GBX2: variants seen among roughly 807,000 people sequenced by gnomAD.
GBX2 encodes homeobox protein GBX-2.
Under a neutral mutation model 22.4 loss-of-function variants are expected in GBX2, and 5 were observed. The observed-to-expected ratio is 0.22, with a 90% CI of 0.12 to 0.47. The LOEUF is 0.47. Ranked by LOEUF, GBX2 falls within the 20% of genes least tolerant of loss-of-function variation. The pLI, the probability that GBX2 is intolerant of heterozygous loss-of-function variation, is 0.99. For synonymous variants in GBX2, 220 were observed against 230.5 expected, an observed-to-expected ratio of 0.95 and a Z score of 0.41; for missense variants, 470 against 495.4, an observed-to-expected ratio of 0.95 and a Z score of 0.49.
rs572255726 is a variant in GBX2, at chr2:236,165,717, C to T, written c.*197G>A. 373 of 581,890 alleles carry T rather than the reference C, an allele frequency of 6.4e-4. 10 individuals are homozygous for T. In the South Asian group the frequency reaches 8.3e-3, roughly 13 times the overall value. 36.0% of individuals were successfully genotyped at this position (581,890 alleles called of 1,614,324 possible). A position where few individuals can be genotyped will look rare whatever the true frequency, so the allele number is the denominator to read the frequency against. On this transcript the variant is annotated 3_prime_UTR_variant, in exon 2 of 2. Coordinates refer to ENST00000306318, the MANE Select transcript of GBX2 (RefSeq NM_001485.4). Reference sequence around the variant, plus strand: ...GTAGGATAGTATAATAAATATTTAGCGTGTCTTCTGGTGTGGCTGTAAGCC... The same window carrying T: ...GTAGGATAGTATAATAAATATTTAGTGTGTCTTCTGGTGTGGCTGTAAGCC...
downstream of GBX2, among the ~76,000 whole-genome samples, chr2:236,164,065 G>C (rs890064355): frequency 1.3e-4 from 20 of 152,200 alleles, no homozygotes; most frequent in Non-Finnish European, 2.5e-4. Flanking sequence ...AGGGTGACTC[G>C]GTCGCTCCCA....
At position 236,167,919 on chromosome 2, in the gene GBX2, C is replaced by T; in HGVS notation, c.53G>A (p.Ser18Asn). Residue 18 changes from serine (S) to asparagine (N), a missense_variant, in exon 1 of 2, where the codon AGT (serine) becomes AAT (asparagine). Around this residue, in one of 4 missense-constraint regions of GBX2, gnomAD observed 377 missense variants for 358.6 expected, o/e 1.05. Coordinates refer to ENST00000306318, the MANE Select transcript of GBX2 (RefSeq NM_001485.4). ...CGAGTCTATGCTGAAGGCGGTGCTACTCCCCAGCGGGCGCTGCATCATCAT... is the reference window on the plus strand; with the variant it reads ...CGAGTCTATGCTGAAGGCGGTGCTATTCCCCAGCGGGCGCTGCATCATCAT... ...SLMMMQRPLG[S>N]STAFSIDSLI... 1 of 1,562,458 alleles carries T rather than the reference C, an allele frequency of 6.4e-7. No individual in the cohort carries two copies. Among genetic ancestry groups the T allele is most frequent in the Non-Finnish European group, 8.6e-7 (1 of 1,156,904 alleles).
chr2:236,167,534 A>C lies in GBX2; in HGVS notation c.438T>G (p.Ala146=). 6.3e-7 allele frequency: 1 copy of C among 1,599,326 alleles called. No homozygotes were observed. Among genetic ancestry groups the C allele is most frequent in the East Asian group, 2.3e-5 (1 of 44,014 alleles). The part of the protein sequence containing the change: ...GNFDKAEALQ[A]DAEDGKGFLA... ...GGAAGCCTTTGCCGTCCTCCGCGTC[A>C]GCCTGCAGCGCCTCCGCCTTGTCGA... The change falls in exon 1 of 2, where the codon GCT becomes GCG. Residue 146 remains alanine (A), a synonymous_variant. Transcript: ENST00000306318.
rs1455352279 is a variant in GBX2 at position 236,167,647 on chromosome 2, G to A, written c.325C>T (p.Pro109Ser). Residue 109 changes from proline (P) to serine (S), a missense_variant, in exon 1 of 2, where the codon CCC (proline) becomes TCC (serine). By Grantham distance (74) the Pro-to-Ser change is moderately conservative. Transcript: ENST00000306318. ...ALTSTLMATL[P>S]GGFSASPQHQ... ...TGGGGCGACGCGGAGAAGCCGCCGGGGAGCGTGGCCATGAGCGTAGAGGTG... is the reference window on the plus strand; with the variant it reads ...TGGGGCGACGCGGAGAAGCCGCCGGAGAGCGTGGCCATGAGCGTAGAGGTG... 6.3e-7 allele frequency: 1 copy of A among 1,593,392 alleles called. No individual in the cohort carries two copies. The highest frequency in any genetic ancestry group is 8.5e-7 in the Non-Finnish European group (1 of 1,174,762).
downstream of GBX2, among the ~76,000 whole-genome samples, chr2:236,162,567 A>G (rs1576380167): frequency 6.6e-6 from 1 of 152,324 alleles, no homozygotes; most frequent in South Asian, 2.1e-4. Flanking sequence ...GGGTTCTCCA[A>G]TGGGGCAGGG....
At position 236,167,439 on chromosome 2, in the gene GBX2, G is replaced by A. The variant is rs775040602; in HGVS notation, c.523+10C>T. 1.1e-5 allele frequency: 16 copies of A among 1,478,980 alleles called. No individual in the cohort carries two copies. The highest frequency in any genetic ancestry group is 4.6e-5 in the Admixed American group (2 of 43,460). The allele number at this position is 1,478,980 out of a possible 1,614,324, so 91.6% of individuals were successfully genotyped here. On this transcript the variant is annotated intron_variant, in intron 1 of 1. Coordinates refer to ENST00000306318, the MANE Select transcript of GBX2 (RefSeq NM_001485.4). ...CCCCCTCGTCCCGGCTGCGCGCGCC[G>A]CCGACTCACCGAGCGAAGCCTGCAC...
chr2:236,167,726 C>A lies in GBX2; in HGVS notation c.246G>T (p.Gln82His), dbSNP rs2060250293. The A allele has an allele frequency of 3.2e-6, 5 of 1,555,190 alleles. No individual in the cohort carries two copies. Among genetic ancestry groups the A allele is most frequent in the Non-Finnish European group, 4.3e-6 (5 of 1,153,826 alleles). The change falls in exon 1 of 2, where the codon CAG (glutamine) becomes CAT (histidine). Residue 82 changes from glutamine to histidine, a missense_variant. Gln to His is a conservative substitution (Grantham distance 24). Coordinates refer to ENST00000306318, the MANE Select transcript of GBX2 (RefSeq NM_001485.4). ...AGAAGCCTGTGGGCAGGCTGGGGATCTGGTGGTGAGGGTGTGCGGGCGGCA... is the reference window on the plus strand; with the variant it reads ...AGAAGCCTGTGGGCAGGCTGGGGATATGGTGGTGAGGGTGTGCGGGCGGCA... ...PALPPAHPHH[Q>H]IPSLPTGFCS...
At chr2:236,167,035 G>A in intron 1 of GBX2, 1 of 1,028,310 alleles carries the variant, frequency 9.7e-7, no homozygotes, top group East Asian at 2.6e-5. Flanking sequence ...TCCCAGACAA[G>A]TAGCAAGACC....
downstream of GBX2, among the ~76,000 whole-genome samples, chr2:236,164,686 C>T (rs1457721279): frequency 1.3e-5 from 2 of 152,170 alleles, no homozygotes; most frequent in African/African-American, 4.8e-5. Context: ...CGGGGGCGCT[C>T]CAGCCAGCCT....
rs1010409647 is a variant in GBX2, at chr2:236,166,617, G to A, written c.524-180C>T. ...GAGGGGTAGAGGAGGGGTGGGGGGA[G>A]CGTGAGAAAGCTCAAAGGAGAGGAG... On this transcript the variant is annotated intron_variant, in intron 1 of 1. Coordinates refer to ENST00000306318, the MANE Select transcript of GBX2 (RefSeq NM_001485.4). This position sits in a 1 kb window ranked among gnomAD's most constrained non-coding sequence, Gnocchi z 6.6. Among the ~76,000 whole-genome samples the A allele has an allele frequency of 2.0e-5, 3 of 151,954 alleles. No individual in the cohort carries two copies. Among genetic ancestry groups the A allele is most frequent in the Non-Finnish European group, 2.9e-5 (2 of 68,018 alleles).
At chr2:236,164,136 G>A (rs1489099656), downstream of GBX2, among the ~76,000 whole-genome samples, 2 of 152,166 alleles carry the variant, frequency 1.3e-5, no homozygotes, top group Non-Finnish European at 2.9e-5. Context: ...CTCCGCCGTG[G>A]GGAGGTGACG....
chr2:236,164,202 C>T (rs2060225347), downstream of GBX2, among the ~76,000 whole-genome samples: 1 of 152,144 alleles, frequency 6.6e-6, no homozygotes, highest in Non-Finnish European at 1.5e-5. Flanking sequence ...GCGGGCCGCG[C>T]TTCCCCTTCT....
In GBX2 at chr2:236,166,767, C is replaced by G. The variant is rs1362474616; in HGVS notation, c.524-330G>C. Among the ~76,000 whole-genome samples the G allele has an allele frequency of 6.6e-6, 1 of 152,108 alleles. No homozygotes were observed. Among genetic ancestry groups the G allele is most frequent in the Non-Finnish European group, 1.5e-5 (1 of 68,016 alleles). ...GGAGGCGCGAGGCCCAAGAGATTGC[C>G]CGCTTTGTCCCTGGGGTGGGGACTG... On this transcript the variant is annotated intron_variant, in intron 1 of 1. Transcript: ENST00000306318. The surrounding 1 kb of genome is among the most constrained non-coding windows in gnomAD (Gnocchi z 6.6).
In GBX2 at chr2:236,166,524, C is replaced by G. The variant is rs1032659045; in HGVS notation, c.524-87G>C. ...CCACCGTCATTTGGACATTCCGCGC[C>G]CCCCGCCCCCCACCCTTTAGCGGAT... On this transcript the variant is annotated intron_variant, in intron 1 of 1. Coordinates refer to ENST00000306318, the MANE Select transcript of GBX2 (RefSeq NM_001485.4). This position sits in a 1 kb window ranked among gnomAD's most constrained non-coding sequence, Gnocchi z 6.6. The G allele has an allele frequency of 1.7e-6, 2 of 1,166,052 alleles. No homozygotes were observed. The highest frequency in any genetic ancestry group is 1.4e-5 in the South Asian group (1 of 72,048). The allele number at this position is 1,166,052 out of a possible 1,614,324, so 72.2% of individuals were successfully genotyped here.
In GBX2 at chr2:236,167,789, C is replaced by A; in HGVS notation, c.183G>T (p.Pro61=). ...GCGCGGCCTGGGGCAGCGCGGGCGG[C>A]GGCGGCGGCGGCGGCGGCAGCACTA... The part of the protein sequence containing the change: ...RPVVLPPPPP[P]PPALPQAALQ... The change falls in exon 1 of 2, where the codon CCG becomes CCT. Residue 61 remains proline (P), a synonymous_variant. Coordinates refer to ENST00000306318, the MANE Select transcript of GBX2 (RefSeq NM_001485.4). The A allele has an allele frequency of 7.2e-7, 1 of 1,391,642 alleles. No homozygotes were observed. Among genetic ancestry groups the A allele is most frequent in the South Asian group, 1.7e-5 (1 of 57,226 alleles). 86.2% of individuals were successfully genotyped at this position (1,391,642 alleles called of 1,614,324 possible).
At chr2:236,161,675 G>A (rs149164661), downstream of GBX2, among the ~76,000 whole-genome samples, 91 of 152,348 alleles carry the variant, frequency 6.0e-4, no homozygotes, top group African/African-American at 2.2e-3. Flanking sequence ...TGCTCTGGCT[G>A]TGCATGCCTG....
At position 236,167,948 on chromosome 2, in the gene GBX2, C is replaced by A; in HGVS notation, c.24G>T (p.Ser8=). The change falls in exon 1 of 2, where the codon TCG becomes TCT. Residue 8 remains serine (S), a synonymous_variant. Transcript: ENST00000306318. MSAAFPP[S]LMMMQRPLGS... is the part of the protein sequence containing the mutation. ...CCAGCGGGCGCTGCATCATCATCAG[C>A]GACGGCGGGAACGCTGCGCTCATAG... 6.4e-7 allele frequency: 1 copy of A among 1,561,770 alleles called. No homozygotes were observed. Among genetic ancestry groups the A allele is most frequent in the South Asian group, 1.2e-5 (1 of 86,584 alleles).
Position 236,167,959 on chromosome 2 carries a change from AC to A in GBX2, c.12del (p.Phe5SerfsTer5). ...TGCATCATCATCAGCGACGGCGGGA[AC>A]GCTGCGCTCATAGACGCGCTCGGTA... is the stretch of plus-strand genomic sequence containing the variant. Reference protein sequence around the residue: MSAAFPPSLMMMQR... With the variant: MSAXFPPSLMMMQR... On this transcript the variant is annotated frameshift_variant, in exon 1 of 2. Transcript: ENST00000306318. LOFTEE classifies it high-confidence loss of function. The A allele has an allele frequency of 1.3e-6, 2 of 1,557,604 alleles. No individual in the cohort carries two copies. Among genetic ancestry groups the A allele is most frequent in the Non-Finnish European group, 1.7e-6 (2 of 1,154,190 alleles).
chr2:236,163,384 G>C (rs1345985712), downstream of GBX2, among the ~76,000 whole-genome samples: 2 of 152,228 alleles, frequency 1.3e-5, no homozygotes, highest in Admixed American at 6.5e-5. Flanking sequence ...GAGGCTGGGA[G>C]GGCCCGGAGC....
Sources: allele counts gnomAD v4.1 joint callset (sites outside exome capture counted in the v4.1 genomes callset), GRCh38; gene constraint gnomAD v4.1.1; regional missense constraint gnomAD v4.1.1; non-coding constraint Gnocchi (gnomAD v3.1); transcripts MANE v1.5; gene names NCBI Gene and HGNC (gene_info 2026-07-23, HGNC 2026-07-21).